NACC2: variants seen among roughly 807,000 people sequenced by gnomAD.
The protein encoded by NACC2 is nucleus accumbens-associated protein 2.
NACC2 carries 8 observed loss-of-function variants against 25.1 expected under a neutral mutation model. The ratio of observed to expected loss-of-function variants is 0.32; its 90% confidence interval spans 0.19 to 0.57. The LOEUF (loss-of-function observed/expected upper bound fraction) is 0.57. NACC2 is among the 20% of genes least tolerant of loss of function. NACC2 has a pLI of 0.89. For synonymous variants in NACC2, 435 were observed against 294.7 expected (o/e 1.48, Z -4.88); for missense variants, 644 against 650.2 (o/e 0.99, Z 0.10).
chr9:136,013,736 C>A lies in NACC2; in HGVS notation c.1157+128G>T, dbSNP rs772896751. 7.4e-6 allele frequency: 6 copies of A among 808,984 alleles called. No homozygotes were observed. Among genetic ancestry groups the A allele is most frequent in the Middle Eastern group, 2.3e-4 (1 of 4,302 alleles). 50.1% of individuals were successfully genotyped at this position (808,984 alleles called of 1,614,324 possible). On this transcript the variant is annotated intron_variant, in intron 4 of 5. Coordinates refer to ENST00000277554, the MANE Select transcript of NACC2 (RefSeq NM_144653.5). The surrounding 1 kb of genome is among the most constrained non-coding windows in gnomAD (Gnocchi z 6.6). ...CCACCGTCCTGGGGCCGACCGGCCA[C>A]GGCTGAAGTCAGGAATGCGAGAGGG...
chr9:136,012,480 C>G (rs1840126349), intron 5 of NACC2, among the ~76,000 whole-genome samples: 3 of 152,244 alleles, frequency 2.0e-5, no homozygotes, highest in Admixed American at 2.0e-4. Flanking sequence ...CAGGCCAAGG[C>G]CGGGTCATTC....
intron 1 of NACC2, among the ~76,000 whole-genome samples, chr9:136,083,622 C>T (rs1487359968): frequency 1.3e-5 from 2 of 152,162 alleles, no homozygotes; most frequent in Non-Finnish European, 2.9e-5. Flanking sequence ...CCGAGACTGG[C>T]ACGAGACGGG....
At position 136,020,618 on chromosome 9, in the gene NACC2, A is replaced by G. The variant is rs1307421442; in HGVS notation, c.887-4189T>C. ...TGTTAAAATGCACCACAAGAAAATG[A>G]GCCCCTAGTCCTTGATGATACAGAA... On this transcript the variant is annotated intron_variant, in intron 2 of 5. Coordinates refer to ENST00000277554, the MANE Select transcript of NACC2 (RefSeq NM_144653.5). This position sits in a 1 kb window ranked among gnomAD's most constrained non-coding sequence, Gnocchi z 4.7. Among the ~76,000 whole-genome samples, 2 of 152,230 alleles carry G rather than the reference A, an allele frequency of 1.3e-5. No homozygotes were observed. Among genetic ancestry groups the G allele is most frequent in the East Asian group, 3.8e-4 (2 of 5,198 alleles).
rs1053070040 is a variant in NACC2, at chr9:136,047,472, C to T, written c.886+2164G>A. 7.2e-5 allele frequency among the ~76,000 whole-genome samples: 11 copies of T among 152,364 alleles called. No individual in the cohort carries two copies. In the East Asian group the frequency reaches 1.9e-3, roughly 27 times the overall value. On this transcript the variant is annotated intron_variant, in intron 2 of 5. Transcript: ENST00000277554. The stretch of plus-strand genomic sequence containing the variant: ...AGAGCCAAACTGTATGGTAGGTGGG[C>T]GGGAGCAGGCCTGGCCTCCCAGCCG...
At chr9:136,049,200 G>T (rs1334330272) in intron 2 of NACC2, among the ~76,000 whole-genome samples, 3 of 152,346 alleles carry the variant, frequency 2.0e-5, no homozygotes, top group Admixed American at 6.5e-5. Flanking sequence ...CATCCCTGGC[G>T]CGGGGCCTGG....
rs961233281 is a variant in NACC2, at chr9:136,054,288, A to G, written c.-59-3708T>C. Among the ~76,000 whole-genome samples, 236 of 152,310 alleles carry G rather than the reference A, an allele frequency of 1.5e-3. 1 individual carries two copies. The highest frequency in any genetic ancestry group is 2.8e-3 in the Non-Finnish European group (188 of 68,018). On this transcript the variant is annotated intron_variant, in intron 1 of 5. Transcript: ENST00000277554. ...GACCAGCTCTCCCAGAGAAGGGACC[A>G]TTATTCCCTTTGAAGGTGATGGGGC...
chr9:136,082,280 G>A (rs1830332103), intron 1 of NACC2, among the ~76,000 whole-genome samples: 1 of 152,220 alleles, frequency 6.6e-6, no homozygotes, highest in Non-Finnish European at 1.5e-5. Flanking sequence ...GGGAGCCTCA[G>A]GTCCCACACA....
intron 2 of NACC2, among the ~76,000 whole-genome samples, chr9:136,028,033 G>A (rs1840419139): frequency 6.6e-6 from 1 of 152,100 alleles, no homozygotes; most frequent in South Asian, 2.1e-4. Context: ...GCCAAGGTGG[G>A]TGGATCACTT....
intron 1 of NACC2, among the ~76,000 whole-genome samples, chr9:136,067,250 A>C (rs1174873336): frequency 6.9e-6 from 1 of 145,396 alleles, no homozygotes; most frequent in East Asian, 2.0e-4. Context: ...CTAAGCAACA[A>C]GAGGGAAACT....
chr9:136,044,827 C>T (rs1048785900), intron 2 of NACC2, among the ~76,000 whole-genome samples: 16 of 152,202 alleles, frequency 1.1e-4, no homozygotes, highest in East Asian at 5.8e-4. Flanking sequence ...GTGGCTGCAA[C>T]GGAGACCACC....
intron 1 of NACC2, among the ~76,000 whole-genome samples, chr9:136,063,898 C>CA (rs547983254): frequency 9.8e-5 from 13 of 132,116 alleles, no homozygotes; most frequent in East Asian, 2.1e-4. Flanking sequence ...AAAAAAAAAA[C>CA]AAAAAAAACA....
intron 2 of NACC2, among the ~76,000 whole-genome samples, chr9:136,033,524 C>A (rs1267596767): frequency 6.6e-6 from 1 of 151,388 alleles, no homozygotes; most frequent in Non-Finnish European, 1.5e-5. Flanking sequence ...GTGGCGGGTG[C>A]CTGTAATCCC....
At position 136,022,350 on chromosome 9, in the gene NACC2, C is replaced by T. The variant is rs191289002; in HGVS notation, c.887-5921G>A. 6.2e-4 allele frequency among the ~76,000 whole-genome samples: 95 copies of T among 152,352 alleles called. No individual in the cohort carries two copies. The highest frequency in any genetic ancestry group is 2.2e-3 in the African/African-American group (93 of 41,570). ...GCTGTGTCCCACCCCCGAAAGCACA[C>T]AGGTGTGGACTCAACACCCTCCTGC... is the stretch of plus-strand genomic sequence containing the variant. On this transcript the variant is annotated intron_variant, in intron 2 of 5. Coordinates refer to ENST00000277554, the MANE Select transcript of NACC2 (RefSeq NM_144653.5). The surrounding 1 kb of genome is among the most constrained non-coding windows in gnomAD (Gnocchi z 4.4).
intron 2 of NACC2, among the ~76,000 whole-genome samples, chr9:136,017,528 CCT>C (rs1182673819): frequency 6.6e-6 from 1 of 152,036 alleles, no homozygotes; most frequent in Non-Finnish European, 1.5e-5. Flanking sequence ...CCCCCACCAC[CCT>C]GAGTCCCAGG....
intron 1 of NACC2, among the ~76,000 whole-genome samples, chr9:136,094,434 G>C (rs919687193): frequency 6.6e-6 from 1 of 152,230 alleles, no homozygotes; most frequent in African/African-American, 2.4e-5. Context: ...AAGAGAAGCA[G>C]GAAACTCCGT....
At chr9:136,088,053 C>A (rs1830397447) in intron 1 of NACC2, among the ~76,000 whole-genome samples, 2 of 152,190 alleles carry the variant, frequency 1.3e-5, no homozygotes, top group African/African-American at 4.8e-5. Flanking sequence ...ACGGGCACCC[C>A]CAGTGGCTGT....
chr9:136,012,709 G>A (rs934526630), intron 5 of NACC2, among the ~76,000 whole-genome samples: 3 of 133,716 alleles, frequency 2.2e-5, no homozygotes, highest in African/African-American at 8.4e-5. Flanking sequence ...AGTGCTTCTT[G>A]GGCCGAGGGC....
intron 3 of NACC2, among the ~76,000 whole-genome samples, chr9:136,014,509 G>A (rs1392808133): frequency 3.3e-5 from 5 of 152,136 alleles, no homozygotes; most frequent in African/African-American, 4.8e-5. Flanking sequence ...GACTGGTCTT[G>A]AACACCTGGC....
chr9:136,054,227 G>A (rs1312335424), intron 1 of NACC2, among the ~76,000 whole-genome samples: 6 of 152,308 alleles, frequency 3.9e-5, no homozygotes, highest in Middle Eastern at 3.4e-3. Context: ...GCCTGCGTCC[G>A]CACCTCAGGA....
Sources: gnomAD v4.1 joint callset for allele counts (sites outside exome capture counted in the v4.1 genomes callset) on GRCh38, gnomAD v4.1.1 for gene constraint, Gnocchi (gnomAD v3.1) non-coding constraint, MANE v1.5 for transcripts, NCBI Gene and HGNC (gene_info 2026-07-23, HGNC 2026-07-21) for gene names.